RIN3: variants seen among roughly 807,000 people sequenced by gnomAD.
RIN3 encodes the protein RAB5 interacting protein 3.
In RIN3, 54 loss-of-function variants were observed where a neutral mutation model predicts 76.3. That is an observed-to-expected ratio of 0.71 (90% CI 0.57 to 0.89). The LOEUF (loss-of-function observed/expected upper bound fraction) is 0.89. Among genes scored for constraint, RIN3 ranks in the 40% least tolerant of loss-of-function variants. RIN3 has a pLI of 0.00. For synonymous variants in RIN3, 576 were observed against 564.0 expected, an observed-to-expected ratio of 1.02 and a Z score of -0.30; for missense variants, 1,256 against 1,322.1, an observed-to-expected ratio of 0.95 and a Z score of 0.78.
intron 8 of RIN3, among the ~76,000 whole-genome samples, chr14:92,679,185 C>T (rs898500272): frequency 1.3e-5 from 2 of 152,248 alleles, no homozygotes; most frequent in African/African-American, 4.8e-5. Context: ...CTGACCAAGG[C>T]TGCCTGCATC....
chr14:92,577,826 A>G (rs550773990), intron 3 of RIN3, among the ~76,000 whole-genome samples: 1 of 152,188 alleles, frequency 6.6e-6, no homozygotes, highest in Non-Finnish European at 1.5e-5. Context: ...CTCAGCACAC[A>G]CTCAATCCAT....
intron 1 of RIN3, among the ~76,000 whole-genome samples, chr14:92,548,646 C>G (rs993435656): frequency 6.6e-6 from 1 of 152,170 alleles, no homozygotes; most frequent in Non-Finnish European, 1.5e-5. Context: ...TAACTCCATT[C>G]TCTACCTCTG....
chr14:92,676,456 G>A lies in RIN3; in HGVS notation c.2336-19G>A. 1.2e-6 allele frequency: 2 copies of A among 1,611,864 alleles called. No homozygotes were observed. Among genetic ancestry groups the A allele is most frequent in the South Asian group, 2.2e-5 (2 of 91,060 alleles). On this transcript the variant is annotated intron_variant, in intron 7 of 9. Coordinates refer to ENST00000216487, the MANE Select transcript of RIN3 (RefSeq NM_024832.5). ...GAGAGCCTGGAACTCATCTCCCTCT[G>A]CCTCCTTCTTCTTCCCAGGGAAGCC...
intron 2 of RIN3, among the ~76,000 whole-genome samples, chr14:92,558,642 G>A (rs1223906168): frequency 6.6e-6 from 1 of 152,200 alleles, no homozygotes; most frequent in Admixed American, 6.5e-5. Flanking sequence ...GCCAGGGGAA[G>A]GGACTGATGC....
intron 3 of RIN3, among the ~76,000 whole-genome samples, chr14:92,588,214 CTTTTTTTTTTTT>C (rs141155255): frequency 1.5e-4 from 9 of 58,828 alleles, no homozygotes; most frequent in Admixed American, 1.3e-3. Context: ...CCATAGCACT[CTTTTTTTTTTTT>C]TTTTTTTTTT....
chr14:92,685,335 G>A lies in RIN3; in HGVS notation c.2631+185G>A, dbSNP rs79026328. 4.1e-3 allele frequency: 2,568 copies of A among 621,456 alleles called. 35 individuals carry two copies. In the African/African-American group the frequency reaches 0.042, roughly 10 times the overall value. 38.5% of individuals were successfully genotyped at this position (621,456 alleles called of 1,614,324 possible). A position where few individuals can be genotyped will look rare whatever the true frequency, so the allele number is the denominator to read the frequency against. On this transcript the variant is annotated intron_variant, in intron 9 of 9. Coordinates refer to ENST00000216487, the MANE Select transcript of RIN3 (RefSeq NM_024832.5). This position sits in a 1 kb window ranked among gnomAD's most constrained non-coding sequence, Gnocchi z 4.7. ...GCCCCTGCTGCCAGTGTGTGTCCAGGACTTGGGTGCGTCTAGAAACATATC... is the reference window on the plus strand; with the variant it reads ...GCCCCTGCTGCCAGTGTGTGTCCAGAACTTGGGTGCGTCTAGAAACATATC...
At chr14:92,663,339 G>A (rs1887956440) in intron 7 of RIN3, among the ~76,000 whole-genome samples, 1 of 152,226 alleles carries the variant, frequency 6.6e-6, no homozygotes, top group South Asian at 2.1e-4. Context: ...GAGTAGGGAG[G>A]AGGAGCAAGA....
chr14:92,554,418 C>G (rs971303825), intron 1 of RIN3, among the ~76,000 whole-genome samples: 3 of 152,040 alleles, frequency 2.0e-5, no homozygotes, highest in Admixed American at 6.6e-5. Context: ...CCTCCTTCCC[C>G]CACCGTGCTG....
At chr14:92,552,147 T>G (rs763418472) in intron 1 of RIN3, among the ~76,000 whole-genome samples, 3 of 152,172 alleles carry the variant, frequency 2.0e-5, no homozygotes, top group Non-Finnish European at 4.4e-5. Context: ...ACCGGATTCT[T>G]TAGGCAGTGG....
chr14:92,654,572 G>A (rs1214917499), intron 6 of RIN3, among the ~76,000 whole-genome samples: 1 of 152,166 alleles, frequency 6.6e-6, no homozygotes, highest in African/African-American at 2.4e-5. Flanking sequence ...GGAGCTTCAG[G>A]TGTTCCTTTC....
intron 3 of RIN3, among the ~76,000 whole-genome samples, chr14:92,582,974 T>A (rs1392348386): frequency 2.6e-5 from 4 of 152,214 alleles, no homozygotes; most frequent in Non-Finnish European, 4.4e-5. Context: ...TGAATCCCGC[T>A]GTTTTCTCCT....
At chr14:92,619,629 A>T (rs1268412900) in intron 4 of RIN3, among the ~76,000 whole-genome samples, 1 of 151,904 alleles carries the variant, frequency 6.6e-6, no homozygotes, top group Admixed American at 6.6e-5. Context: ...GGGTTTCATC[A>T]TGTTAGCCAG....
intron 1 of RIN3, among the ~76,000 whole-genome samples, chr14:92,534,239 A>AT (rs34391787): frequency 0.17 from 21,923 of 126,560 alleles, 2,068 homozygotes; most frequent in East Asian, 0.24. Flanking sequence ...GAGTCATGTC[A>AT]TTTTTTTTTT....
chr14:92,530,001 G>A (rs1346899857), intron 1 of RIN3, among the ~76,000 whole-genome samples: 1 of 152,228 alleles, frequency 6.6e-6, no homozygotes, highest in Non-Finnish European at 1.5e-5. Context: ...GACGCTTGCA[G>A]GAACCTATCT....
chr14:92,666,307 A>G (rs1372492161), intron 7 of RIN3, among the ~76,000 whole-genome samples: 3 of 152,216 alleles, frequency 2.0e-5, no homozygotes, highest in African/African-American at 7.2e-5. Context: ...GGAAAGGGGT[A>G]AACATGGAGA....
At chr14:92,665,963 C>T (rs1426360877) in intron 7 of RIN3, among the ~76,000 whole-genome samples, 2 of 152,110 alleles carry the variant, frequency 1.3e-5, no homozygotes, top group African/African-American at 2.4e-5. Context: ...GGTATGCAGC[C>T]CAGCAGCTCT....
intron 3 of RIN3, among the ~76,000 whole-genome samples, chr14:92,613,411 T>C (rs1885823345): frequency 6.6e-6 from 1 of 152,236 alleles, no homozygotes; most frequent in African/African-American, 2.4e-5. Flanking sequence ...TAATATTTTA[T>C]TTAAATTCTC....
intron 3 of RIN3, among the ~76,000 whole-genome samples, chr14:92,589,779 G>A (rs1470100282): frequency 6.6e-6 from 1 of 152,196 alleles, no homozygotes. Flanking sequence ...TGTGACGTGG[G>A]TGTTCAGGAT....
chr14:92,629,860 A>G (rs750846835), intron 4 of RIN3, among the ~76,000 whole-genome samples: 6 of 152,248 alleles, frequency 3.9e-5, no homozygotes, highest in African/African-American at 1.4e-4. Context: ...CAAAGTCCAC[A>G]CTGTCTGCTC....
Sources: gnomAD v4.1 joint callset for allele counts (sites outside exome capture counted in the v4.1 genomes callset) on GRCh38, gnomAD v4.1.1 for gene constraint, Gnocchi (gnomAD v3.1) non-coding constraint, MANE v1.5 for transcripts, NCBI Gene and HGNC (gene_info 2026-07-23, HGNC 2026-07-21) for gene names.